The following GNL2 variants were observed in gnomAD, a reference collection of about 807,000 sequenced individuals.
GNL2 encodes the protein nucleolar GTP-binding protein 2.
GNL2 carries 51 observed loss-of-function variants against 92.3 expected under a neutral mutation model. The ratio of observed to expected loss-of-function variants is 0.55; its 90% CI spans 0.44 to 0.70. The LOEUF (loss-of-function observed/expected upper bound fraction) is 0.70, where lower values mean the gene tolerates loss of function less well. GNL2 is among the 30% of genes least tolerant of loss of function. The pLI, the probability that GNL2 is intolerant of heterozygous loss-of-function variation, is 0.00. For synonymous variants in GNL2, 283 were observed against 300.6 expected (o/e 0.94, Z 0.61); for missense variants, 844 against 895.6 (o/e 0.94, Z 0.74).
chr1:37,588,838 C>T (rs1024471039), intron 4 of GNL2, among the ~76,000 whole-genome samples: 1 of 152,140 alleles, frequency 6.6e-6, no homozygotes, highest in African/African-American at 2.4e-5. Context: ...AGATATTACA[C>T]TAAAATAAAA....
chr1:37,568,391 T>C (rs1643540902), intron 13 of GNL2, 34 bp from the exon 14 acceptor site: 1 of 1,384,452 alleles, frequency 7.2e-7, no homozygotes. Context: ...ATTCCTCCTC[T>C]CACTCGCCCG....
chr1:37,581,491 G>C (rs746842868), intron 8 of GNL2: 4 of 456,094 alleles, frequency 8.8e-6, no homozygotes, highest in South Asian at 4.6e-5. Flanking sequence ...CATGGGCAGA[G>C]GATGCACAGC....
At chr1:37,580,045 TCAAACGC>T (rs1358287373) in intron 8 of GNL2, among the ~76,000 whole-genome samples, 1 of 152,072 alleles carries the variant, frequency 6.6e-6, no homozygotes, top group African/African-American at 2.4e-5. Flanking sequence ...TAAAGTCTCA[TCAAACGC>T]CAAGCTCACT....
At chr1:37,576,749 G>A (rs1389828388) in intron 8 of GNL2, among the ~76,000 whole-genome samples, 193 bp from the exon 9 acceptor site, 3 of 152,220 alleles carry the variant, frequency 2.0e-5, no homozygotes, top group Non-Finnish European at 4.4e-5. Flanking sequence ...AATCAGAGGT[G>A]AGTCATTTCC....
Position 37,566,897 on chromosome 1 carries a change from C to G in GNL2, c.2154G>C (p.Glu718Asp). ...ATTTTTTGCGTTTGTGTTTCTGTCC[C>G]TCTGAGTCATTGGTCTTCTTTTTGT... ...NRNKKKTNDS[E>D]GQKHKRKKFR... Residue 718 changes from glutamate (E) to aspartate (D), a missense_variant, in exon 16 of 16, where the codon GAG becomes GAC. Physicochemically the swap from Glu to Asp is conservative, Grantham distance 45. Coordinates refer to ENST00000373062, the MANE Select transcript of GNL2 (RefSeq NM_013285.3). The G allele has an allele frequency of 6.2e-7, 1 of 1,614,092 alleles. No individual in the cohort carries two copies. The highest frequency in any genetic ancestry group is 1.1e-5 in the South Asian group (1 of 91,060).
Position 37,568,994 on chromosome 1 carries a change from A to T in GNL2, c.1725T>A (p.Asp575Glu). Residue 575 changes from aspartate (D) to glutamate (E), a missense_variant, in exon 13 of 16, where the codon GAT becomes GAA. Asp to Glu is a conservative substitution (Grantham distance 45). Coordinates refer to ENST00000373062, the MANE Select transcript of GNL2 (RefSeq NM_013285.3). ...EEEEEQEQQR[D>E]DAEESSSEPE... ...GCTCCGAGGAAGACTCTTCCGCATC[A>T]TCTCTTTGTTGCTCCTGTTCCTCCT... 1 of 1,614,122 alleles carries T rather than the reference A, an allele frequency of 6.2e-7. No individual in the cohort carries two copies. The highest frequency in any genetic ancestry group is 8.5e-7 in the Non-Finnish European group (1 of 1,180,016).
At chr1:37,585,099 G>A (rs868833854) in intron 5 of GNL2, among the ~76,000 whole-genome samples, 4 of 1,152 alleles carry the variant, frequency 3.5e-3, no homozygotes, top group South Asian at 0.12. Context: ...TCGCTCTGTC[G>A]CCCAGGCTGG....
At position 37,595,858 on chromosome 1, in the gene GNL2, G is replaced by A. The variant is rs778392329; in HGVS notation, c.-36C>T. ...AGACCGGGACCGGAGTGCGAGGTCCGGCTTACGTGGTGAAACAAACTTTTA... is the reference window on the plus strand; with the variant it reads ...AGACCGGGACCGGAGTGCGAGGTCCAGCTTACGTGGTGAAACAAACTTTTA... On this transcript the variant is annotated 5_prime_UTR_variant, in exon 1 of 16. Transcript: ENST00000373062. 6.3e-7 allele frequency: 1 copy of A among 1,586,584 alleles called. No homozygotes were observed. The highest frequency in any genetic ancestry group is 8.7e-7 in the Non-Finnish European group (1 of 1,154,874).
intron 12 of GNL2, chr1:37,569,752 G>A: frequency 6.4e-6 from 1 of 156,758 alleles, no homozygotes; most frequent in Non-Finnish European, 1.4e-5. Context: ...AAATTCATAT[G>A]TTGGAAACTG....
Position 37,568,840 on chromosome 1 carries a change from G to A in GNL2, c.1868+11C>T, listed in dbSNP as rs200145502. On this transcript the variant is annotated intron_variant, in intron 13 of 15. Coordinates refer to ENST00000373062, the MANE Select transcript of GNL2 (RefSeq NM_013285.3). ...GAAAATCTGCAATTTGTGAGAAGATGAAAATATTACCTGACTGCTGAAAAC... is the reference window on the plus strand; with the variant it reads ...GAAAATCTGCAATTTGTGAGAAGATAAAAATATTACCTGACTGCTGAAAAC... 14 of 1,599,250 alleles carry A rather than the reference G, an allele frequency of 8.8e-6. No homozygotes were observed. The highest frequency in any genetic ancestry group is 3.4e-4 in the Middle Eastern group (2 of 5,970).
At chr1:37,590,932 T>C in intron 3 of GNL2, 87 bp from the exon 4 acceptor site, 1 of 1,080,646 alleles carries the variant, frequency 9.3e-7, no homozygotes, top group Non-Finnish European at 1.3e-6. Flanking sequence ...GATTTTAAAT[T>C]ACCCTCACTT....
At chr1:37,595,733 C>A in intron 1 of GNL2, 26 bp downstream of exon 1, 4 of 1,608,368 alleles carry the variant, frequency 2.5e-6, no homozygotes, top group South Asian at 1.1e-5. Flanking sequence ...CCAAGCTCCA[C>A]CCTCGATCAG....
chr1:37,583,000 G>T, intron 6 of GNL2, 64 bp from the exon 7 acceptor site: 2 of 1,072,410 alleles, frequency 1.9e-6, no homozygotes, highest in South Asian at 1.5e-5. Context: ...TGACATTTAA[G>T]GGAGTCTGGG....
At chr1:37,568,782 C>T (rs1643547604) in intron 13 of GNL2, 69 bp downstream of exon 13, 1 of 1,114,726 alleles carries the variant, frequency 9.0e-7, no homozygotes, top group Admixed American at 1.9e-5. Context: ...AAATATGGCT[C>T]TGGTACTCAT....
intron 3 of GNL2, 21 bp from the exon 4 acceptor site, chr1:37,590,866 G>A (rs911368372): frequency 6.5e-7 from 1 of 1,531,578 alleles, no homozygotes; most frequent in Non-Finnish European, 8.8e-7. Context: ...AATAAAGAAT[G>A]TTGCCACTTA....
chr1:37,567,901 C>T, intron 14 of GNL2, 137 bp from the exon 15 acceptor site: 1 of 670,352 alleles, frequency 1.5e-6, no homozygotes, highest in Non-Finnish European at 2.6e-6. Flanking sequence ...GTGAGTAAAG[C>T]AGGCCAAGGG....
At position 37,594,157 on chromosome 1, in the gene GNL2, TATAG is replaced by T. The variant is rs771813744; in HGVS notation, c.65-315_65-312del. The T allele has an allele frequency of 6.5e-4, 155 of 238,372 alleles. 1 individual carries two copies. The highest frequency in any genetic ancestry group is 3.2e-3 in the East Asian group (34 of 10,610). 14.8% of individuals were successfully genotyped at this position (238,372 alleles called of 1,614,324 possible). A position where few individuals can be genotyped will look rare whatever the true frequency, so the allele number is the denominator to read the frequency against. ...TCTGATTTAATCTATACAATAATCCTATAGATATATTATCCCCATGCTGCGGAGT... is the reference window on the plus strand; with the variant it reads ...TCTGATTTAATCTATACAATAATCCTATATATTATCCCCATGCTGCGGAGT... On this transcript the variant is annotated intron_variant, in intron 1 of 15. Coordinates refer to ENST00000373062, the MANE Select transcript of GNL2 (RefSeq NM_013285.3).
At chr1:37,591,243 T>C (rs138437158) in intron 3 of GNL2, among the ~76,000 whole-genome samples, 106 of 152,254 alleles carry the variant, frequency 7.0e-4, no homozygotes, top group Admixed American at 4.4e-3. Flanking sequence ...ACACTGAAAT[T>C]TGAGTCATAG....
chr1:37,585,077 T>TC (rs1295339200), intron 5 of GNL2, among the ~76,000 whole-genome samples: 3 of 104,074 alleles, frequency 2.9e-5, no homozygotes, highest in African/African-American at 1.0e-4. Flanking sequence ...TTTTTTTTTT[T>TC]GAGACGGAGT....
Sources: allele counts gnomAD v4.1 joint callset (sites outside exome capture counted in the v4.1 genomes callset), GRCh38; gene constraint gnomAD v4.1.1; transcripts MANE v1.5; gene names NCBI Gene and HGNC (gene_info 2026-07-23, HGNC 2026-07-21).